The following EBF1 variants were observed in gnomAD, a reference collection of about 807,000 sequenced individuals.
EBF1 encodes transcription factor COE1.
A neutral mutation model predicts 68.4 loss-of-function variants in EBF1; 10 were observed. The ratio of observed to expected loss-of-function variants is 0.15; its 90% CI spans 0.09 to 0.25. The LOEUF is 0.25. Among genes scored for constraint, EBF1 ranks in the 10% least tolerant of loss-of-function variants. The probability of loss-of-function intolerance (pLI) is 1.00; values close to 1 mark genes in which losing one functional copy is unlikely to be tolerated. For synonymous variants in EBF1, 298 were observed against 299.8 expected (o/e 0.99, Z 0.06); for missense variants, 509 against 794.4 (o/e 0.64, Z 4.32).
chr5:158,989,597 G>A (rs761719422), intron 6 of EBF1, among the ~76,000 whole-genome samples: 2 of 152,118 alleles, frequency 1.3e-5, no homozygotes, highest in Admixed American at 1.3e-4. Context: ...TCCTCTGTTT[G>A]TGTGCAGCTC....
At chr5:159,089,059 T>C (rs926505282) in intron 4 of EBF1, among the ~76,000 whole-genome samples, 2 of 152,112 alleles carry the variant, frequency 1.3e-5, no homozygotes, top group Admixed American at 6.6e-5. Flanking sequence ...CAAAAGTGGA[T>C]ATATTTGGAA....
At chr5:158,756,013 G>A (rs1770000024) in intron 10 of EBF1, among the ~76,000 whole-genome samples, 1 of 152,138 alleles carries the variant, frequency 6.6e-6, no homozygotes, top group African/African-American at 2.4e-5. Flanking sequence ...TGGCCAAAAT[G>A]TCAATGGTAC....
In EBF1 at chr5:158,699,976, G is replaced by A. The variant is rs558891396; in HGVS notation, c.1745-834C>T. Among the ~76,000 whole-genome samples the A allele has an allele frequency of 1.1e-3, 168 of 152,340 alleles. 1 individual carries two copies. The highest frequency in any genetic ancestry group is 2.1e-3 in the Non-Finnish European group (145 of 68,026). ...TCAGATAGGCCTGAGTCCCACCTCT[G>A]GCTTTTCTGCTGTGAAGCTCAGCTT... On this transcript the variant is annotated intron_variant, in intron 15 of 15. Coordinates refer to ENST00000313708, the MANE Select transcript of EBF1 (RefSeq NM_024007.5).
intron 6 of EBF1, among the ~76,000 whole-genome samples, chr5:158,943,393 C>A (rs1363452211): frequency 1.3e-5 from 2 of 151,808 alleles, no homozygotes; most frequent in Non-Finnish European, 2.9e-5. Flanking sequence ...TCTGAGGACA[C>A]AAGAGAGAAA....
chr5:158,845,713 A>AT (rs1791343292), intron 6 of EBF1, among the ~76,000 whole-genome samples: 1 of 151,394 alleles, frequency 6.6e-6, no homozygotes, highest in Non-Finnish European at 1.5e-5. Flanking sequence ...AAGAAAAAAA[A>AT]AAAAAAGAAG....
intron 15 of EBF1, 40 bp downstream of exon 15, chr5:158,707,939 G>A (rs1758237285): frequency 6.5e-7 from 1 of 1,539,322 alleles, no homozygotes; most frequent in African/African-American, 1.4e-5. Flanking sequence ...GTGAAGTCAG[G>A]GCATTGAATC....
chr5:158,995,652 C>T (rs967696962), intron 6 of EBF1, among the ~76,000 whole-genome samples: 3 of 152,152 alleles, frequency 2.0e-5, no homozygotes, highest in African/African-American at 4.8e-5. Flanking sequence ...TGGATATATG[C>T]CTTACCCTCT....
chr5:158,896,905 C>G (rs777988551), intron 6 of EBF1, among the ~76,000 whole-genome samples: 5 of 152,092 alleles, frequency 3.3e-5, no homozygotes, highest in Admixed American at 6.6e-5. Flanking sequence ...CCCAGTGGCA[C>G]AAACAGAGTT....
intron 10 of EBF1, among the ~76,000 whole-genome samples, chr5:158,774,805 C>G (rs1237787458): frequency 3.3e-5 from 5 of 152,110 alleles, no homozygotes; most frequent in African/African-American, 1.2e-4. Context: ...TGCTAATGAT[C>G]AAAAGGTCCA....
intron 9 of EBF1, 93 bp from the exon 10 acceptor site, chr5:158,777,632 A>G (rs1282318102): frequency 7.6e-7 from 1 of 1,313,060 alleles, no homozygotes; most frequent in African/African-American, 1.5e-5. Flanking sequence ...GCTTTAAAAC[A>G]CATAATTAAC....
intron 6 of EBF1, among the ~76,000 whole-genome samples, chr5:158,912,722 A>G (rs1461753739): frequency 6.6e-6 from 1 of 152,210 alleles, no homozygotes; most frequent in African/African-American, 2.4e-5. Context: ...AATGGGGCTC[A>G]GAGAGGTTAG....
chr5:158,964,677 TCTGAG>T (rs60706501), intron 6 of EBF1, among the ~76,000 whole-genome samples: 31,265 of 151,766 alleles, frequency 0.21, 3,793 homozygotes, highest in African/African-American at 0.35. Flanking sequence ...AGGGAAATTC[TCTGAG>T]CTGAGCTTGG....
intron 8 of EBF1, among the ~76,000 whole-genome samples, chr5:158,822,459 C>T (rs754892494): frequency 6.6e-6 from 1 of 152,170 alleles, no homozygotes; most frequent in African/African-American, 2.4e-5. Flanking sequence ...GTGGCATTCA[C>T]TTTCCTTGAT....
At chr5:158,866,116 C>T (rs1193503926) in intron 6 of EBF1, among the ~76,000 whole-genome samples, 1 of 152,188 alleles carries the variant, frequency 6.6e-6, no homozygotes, top group African/African-American at 2.4e-5. Flanking sequence ...CCCAAGGCCA[C>T]AAAGCTAACT....
chr5:158,913,128 G>A (rs1196894748), intron 6 of EBF1, among the ~76,000 whole-genome samples: 6 of 152,166 alleles, frequency 3.9e-5, no homozygotes, highest in Non-Finnish European at 7.3e-5. Flanking sequence ...CTGTACCGCT[G>A]GGTCACATTA....
chr5:159,013,714 A>G (rs1440930084), intron 6 of EBF1, among the ~76,000 whole-genome samples: 1 of 151,746 alleles, frequency 6.6e-6, no homozygotes, highest in Middle Eastern at 3.2e-3. Context: ...TTAGCTTAAC[A>G]CCCCCACCCA....
intron 6 of EBF1, chr5:158,984,757 G>A (rs959615324): frequency 3.6e-5 from 5 of 138,790 alleles, no homozygotes; most frequent in Admixed American, 1.6e-4. Context: ...TTTGATCTTA[G>A]CTCACTGCAG....
intron 11 of EBF1, among the ~76,000 whole-genome samples, chr5:158,723,866 TACA>T (rs2127525571): frequency 6.6e-6 from 1 of 152,324 alleles, no homozygotes; most frequent in East Asian, 1.9e-4. Flanking sequence ...TTACTGAGGC[TACA>T]ACTTCTTTCC....
chr5:158,700,019 G>A (rs1051891245), intron 15 of EBF1, among the ~76,000 whole-genome samples: 1 of 152,232 alleles, frequency 6.6e-6, no homozygotes, highest in Non-Finnish European at 1.5e-5. Context: ...TAGAATCACA[G>A]CAACACTTAG....
Sources: allele counts gnomAD v4.1 joint callset (sites outside exome capture counted in the v4.1 genomes callset), GRCh38; gene constraint gnomAD v4.1.1; transcripts MANE v1.5; gene names NCBI Gene and HGNC (gene_info 2026-07-23, HGNC 2026-07-21).